PANK1: variants seen among roughly 807,000 people sequenced by gnomAD.
The protein encoded by PANK1 is pantothenate kinase 1.
PANK1 carries 18 observed loss-of-function variants against 40.1 expected under a neutral mutation model. The ratio of observed to expected loss-of-function variants is 0.45; its 90% CI spans 0.31 to 0.67. The LOEUF is 0.67. Among genes scored for constraint, PANK1 ranks in the 30% least tolerant of loss-of-function variants. The pLI is 0.06. For missense variants in PANK1, 457 were observed against 599.6 expected, an observed-to-expected ratio of 0.76 and a Z score of 2.48; for synonymous variants, 242 against 237.7, an observed-to-expected ratio of 1.02 and a Z score of -0.17.
chr10:89,643,660 G>T, intron 1 of PANK1: 1 of 1,502,436 alleles, frequency 6.7e-7, no homozygotes, highest in Non-Finnish European at 9.3e-7. Flanking sequence ...TAACCTCTAT[G>T]CAAATGCAGT....
chr10:89,597,664 T>C (rs974671385), intron 3 of PANK1, among the ~76,000 whole-genome samples: 9 of 152,246 alleles, frequency 5.9e-5, no homozygotes, highest in African/African-American at 2.2e-4. Flanking sequence ...AATTGTTAAG[T>C]GTTAATAAAA....
chr10:89,641,169 ATGTTAAAATTAAT>A (rs1187415450), intron 1 of PANK1, among the ~76,000 whole-genome samples: 1 of 152,224 alleles, frequency 6.6e-6, no homozygotes, highest in Non-Finnish European at 1.5e-5. Flanking sequence ...AGTATTGATT[ATGTTAAAATTAAT>A]TGTTAAAAAT....
At chr10:89,591,551 T>C in intron 5 of PANK1, among the ~76,000 whole-genome samples, 1 of 152,218 alleles carries the variant, frequency 6.6e-6, no homozygotes, top group East Asian at 1.9e-4. Flanking sequence ...ACTGAGGGAC[T>C]TGGTGGCTGC....
At chr10:89,597,346 T>A (rs1844640764) in intron 3 of PANK1, among the ~76,000 whole-genome samples, 1 of 152,200 alleles carries the variant, frequency 6.6e-6, no homozygotes, top group Non-Finnish European at 1.5e-5. Flanking sequence ...ACAGACTTGA[T>A]GTTTCATTCC....
intron 3 of PANK1, among the ~76,000 whole-genome samples, chr10:89,597,935 G>C (rs1844660199): frequency 2.6e-5 from 4 of 152,206 alleles, no homozygotes; most frequent in Admixed American, 2.0e-4. Flanking sequence ...ATGTATACTT[G>C]GTAGCAATTA....
chr10:89,608,055 G>A (rs1845027055), intron 2 of PANK1, among the ~76,000 whole-genome samples: 1 of 144,734 alleles, frequency 6.9e-6, no homozygotes. Flanking sequence ...TTTTTGAGGT[G>A]GAGTCTGGCC....
chr10:89,595,833 A>T (rs10881604), intron 3 of PANK1, among the ~76,000 whole-genome samples: 1,774 of 31,500 alleles, frequency 0.056, 26 homozygotes, highest in East Asian at 0.076. Context: ...AAAAAAAAAA[A>T]ATATATATAT....
Position 89,595,873 on chromosome 10 carries a change from T to TATATAA in PANK1, c.900-1885_900-1884insTTATAT, listed in dbSNP as rs781450193. ...ATATATATATATATATATATATATA[T>TATATAA]AACTTCATTTACTAATATATATATG... On this transcript the variant is annotated intron_variant, in intron 3 of 6. Transcript: ENST00000307534. 9.6e-3 allele frequency among the ~76,000 whole-genome samples: 779 copies of TATATAA among 81,174 alleles called. 33 individuals carry two copies. Among genetic ancestry groups the TATATAA allele is most frequent in the Non-Finnish European group, 0.011 (490 of 46,358 alleles). 53.3% of individuals were successfully genotyped at this position (81,174 alleles called of 152,430 possible).
At chr10:89,596,119 A>G (rs549344450) in intron 3 of PANK1, among the ~76,000 whole-genome samples, 1 of 152,098 alleles carries the variant, frequency 6.6e-6, no homozygotes, top group South Asian at 2.1e-4. Context: ...ATGTCATTCT[A>G]CATTGCTGGT....
At position 89,644,987 on chromosome 10, in the gene PANK1, G is replaced by A; in HGVS notation, c.-96C>T. 6.3e-7 allele frequency: 1 copy of A among 1,576,648 alleles called. No homozygotes were observed. Among genetic ancestry groups the A allele is most frequent in the Non-Finnish European group, 8.6e-7 (1 of 1,164,574 alleles). On this transcript the variant is annotated 5_prime_UTR_variant, in exon 1 of 7. Transcript: ENST00000307534. The stretch of plus-strand genomic sequence containing the variant: ...TTTATTTCCCCGGATCCTCCCTGCG[G>A]CTTCCGATTCAGCAGCCGCAGAGCC...
chr10:89,643,657 T>C, intron 1 of PANK1: 1 of 1,477,346 alleles, frequency 6.8e-7, no homozygotes, highest in Middle Eastern at 1.7e-4. Context: ...GCATAACCTC[T>C]ATGCAAATGC....
chr10:89,634,631 G>C (rs1322212784), intron 1 of PANK1, among the ~76,000 whole-genome samples: 1 of 152,088 alleles, frequency 6.6e-6, no homozygotes, highest in Non-Finnish European at 1.5e-5. Context: ...AATTCATGTG[G>C]CTTTTATGAA....
chr10:89,628,302 G>A (rs56410209), intron 1 of PANK1, among the ~76,000 whole-genome samples: 2,061 of 152,260 alleles, frequency 0.014, 22 homozygotes, highest in Non-Finnish European at 0.02. Flanking sequence ...GATGAACATG[G>A]ATAAATAATG....
rs990355465 is a variant in PANK1 at position 89,584,322 on chromosome 10, G to A, written c.*84C>T. On this transcript the variant is annotated 3_prime_UTR_variant, in exon 7 of 7. Coordinates refer to ENST00000307534, the MANE Select transcript of PANK1 (RefSeq NM_148977.3). ...CATCTGCCATAATGGCTTGGCTTCC[G>A]TCCCAAAGCGACTTTCACCTTCTCC... The A allele has an allele frequency of 2.8e-5, 24 of 847,120 alleles. No homozygotes were observed. Among genetic ancestry groups the A allele is most frequent in the African/African-American group, 1.8e-4 (11 of 59,858 alleles). The allele number at this position is 847,120 out of a possible 1,614,324, so 52.5% of individuals were successfully genotyped here.
chr10:89,592,187 C>G (rs569729210), intron 5 of PANK1, among the ~76,000 whole-genome samples: 2 of 152,164 alleles, frequency 1.3e-5, no homozygotes, highest in Admixed American at 1.3e-4. Context: ...AAAGGTATAT[C>G]GCTGATCTGC....
chr10:89,626,957 C>G (rs1845677848), intron 1 of PANK1, among the ~76,000 whole-genome samples: 1 of 152,118 alleles, frequency 6.6e-6, no homozygotes, highest in Non-Finnish European at 1.5e-5. Context: ...AAAGAGGCTT[C>G]AGGGAGAACA....
intron 2 of PANK1, among the ~76,000 whole-genome samples, chr10:89,611,342 C>T (rs917037096): frequency 3.3e-5 from 5 of 152,238 alleles, no homozygotes; most frequent in South Asian, 2.1e-4. Context: ...GTTGGCATCA[C>T]GATTATATAG....
intron 1 of PANK1, among the ~76,000 whole-genome samples, chr10:89,621,827 T>C (rs1401199696): frequency 6.6e-6 from 1 of 152,240 alleles, no homozygotes; most frequent in East Asian, 1.9e-4. Flanking sequence ...AATTCTCCTG[T>C]CTCAGCCTCC....
At chr10:89,635,208 G>T (rs1841768444) in intron 1 of PANK1, among the ~76,000 whole-genome samples, 1 of 151,984 alleles carries the variant, frequency 6.6e-6, no homozygotes, top group African/African-American at 2.4e-5. Context: ...TAGTGTCTTA[G>T]TCCATTTTGT....
Sources: allele counts gnomAD v4.1 joint callset (sites outside exome capture counted in the v4.1 genomes callset), GRCh38; gene constraint gnomAD v4.1.1; transcripts MANE v1.5; gene names NCBI Gene and HGNC (gene_info 2026-07-23, HGNC 2026-07-21).